The following VKORC1 variants were observed in gnomAD, a reference collection of about 807,000 sequenced individuals.
The protein encoded by VKORC1 is phylloquinone epoxide reductase.
In VKORC1, 12 loss-of-function variants were observed where a neutral mutation model predicts 14.8. The observed-to-expected ratio is 0.81, with a 90% CI of 0.52 to 1.31. VKORC1 has a LOEUF of 1.31. Ranked by LOEUF, VKORC1 falls within the 50% of genes most tolerant of loss-of-function variation. The probability of loss-of-function intolerance (pLI) is 0.00; values close to 1 mark genes in which losing one functional copy is unlikely to be tolerated. For missense variants in VKORC1, 223 were observed against 215.3 expected (o/e 1.04, Z -0.22); for synonymous variants, 94 against 92.5 (o/e 1.02, Z -0.09).
At chr16:31,094,354 C>A (rs1473200357) in intron 1 of VKORC1, 1 of 1,612,956 alleles carries the variant, frequency 6.2e-7, no homozygotes, top group Non-Finnish European at 8.5e-7. Context: ...TAATCCCAGT[C>A]CCCAGCACTG....
In VKORC1 at chr16:31,091,312, A is replaced by G. The variant is rs2057288295; in HGVS notation, c.314T>C (p.Leu105Pro). 3 of 1,613,988 alleles carry G rather than the reference A, an allele frequency of 1.9e-6. No homozygotes were observed. In the Admixed American group the frequency reaches 5.0e-5, roughly 27 times the overall value. Reference protein sequence around the residue: ...GCLRTRWASVLMLLSSLVSLA... With the variant: ...GCLRTRWASVPMLLSSLVSLA... ...AGACACCAGGGAGCTCAGCAGCATC[A>G]GGACAGAGGCCCAGCGTGTCCGCAG... Residue 105 changes from leucine (L) to proline (P), a missense_variant, in exon 3 of 3, where the codon CTG (leucine) becomes CCG (proline). Physicochemically the swap from Leu to Pro is moderately conservative, Grantham distance 98. Coordinates refer to ENST00000394975, the MANE Select transcript of VKORC1 (RefSeq NM_024006.6).
chr16:31,093,234 T>A (rs1324681161), intron 2 of VKORC1, 78 bp downstream of exon 2: 1 of 1,403,234 alleles, frequency 7.1e-7, no homozygotes, highest in Non-Finnish European at 9.6e-7. Context: ...TCACCAAGAT[T>A]GCATGGAGTG....
At chr16:31,091,579 G>T (rs1020897964) in intron 2 of VKORC1, among the ~76,000 whole-genome samples, 1 of 152,164 alleles carries the variant, frequency 6.6e-6, no homozygotes, top group Non-Finnish European at 1.5e-5. Context: ...AGAAAGACCC[G>T]ATCTCTATCA....
At position 31,091,153 on chromosome 16, in the gene VKORC1, C is replaced by A. The variant is rs775243992; in HGVS notation, c.473G>T (p.Gly158Val). Residue 158 changes from glycine (G) to valine (V), a missense_variant, in exon 3 of 3, where the codon GGC (glycine) becomes GTC (valine). Gly to Val is a moderately radical substitution (Grantham distance 109). Transcript: ENST00000394975. The part of the protein sequence containing the change: ...LSFRKVQEPQ[G>V]KAKRH ...GAGGGCTCAGTGCCTCTTAGCCTTG[C>A]CCTGGGGTTCTTGGACCTTCCGGAA... 1.2e-6 allele frequency: 2 copies of A among 1,613,822 alleles called. No homozygotes were observed. Among genetic ancestry groups the A allele is most frequent in the Non-Finnish European group, 1.7e-6 (2 of 1,180,036 alleles).
chr16:31,091,479 G>A, intron 2 of VKORC1, 137 bp from the exon 3 acceptor site: 1 of 1,507,520 alleles, frequency 6.6e-7, no homozygotes, highest in Non-Finnish European at 8.9e-7. Flanking sequence ...GGGCAGATGT[G>A]GTGGCTTACG....
At position 31,091,083 on chromosome 16, in the gene VKORC1, C is replaced by T. The variant is rs748397246; in HGVS notation, c.*51G>A. On this transcript the variant is annotated 3_prime_UTR_variant, in exon 3 of 3. Transcript: ENST00000394975. ...CCCAGATATGCCCCCTTAGGCAAGG[C>T]TCACATGCCAAAGCAAAGCAGATGA... 52 of 1,606,448 alleles carry T rather than the reference C, an allele frequency of 3.2e-5. No individual in the cohort carries two copies. The highest frequency in any genetic ancestry group is 2.8e-4 in the South Asian group (25 of 90,018).
intron 1 of VKORC1, chr16:31,094,021 A>G: frequency 1.1e-6 from 1 of 915,652 alleles, no homozygotes; most frequent in East Asian, 2.7e-5. Context: ...AATTCTTAAA[A>G]TGGCAAGGCT....
At chr16:31,094,046 C>A in intron 1 of VKORC1, 1 of 1,103,830 alleles carries the variant, frequency 9.1e-7, no homozygotes, top group Non-Finnish European at 1.3e-6. Flanking sequence ...TAACGGTTCA[C>A]TCGGTTTTGC....
In VKORC1 at chr16:31,094,717, A is replaced by C; in HGVS notation, c.13T>G (p.Trp5Gly). The C allele has an allele frequency of 1.2e-6, 2 of 1,606,248 alleles. No homozygotes were observed. Among genetic ancestry groups the C allele is most frequent in the Non-Finnish European group, 1.7e-6 (2 of 1,178,156 alleles). ...AGCCGCACCCAGCCAGGGCTCCCCC[A>C]GGTGCTGCCCATTATCTCCAGGTTC... Reference protein sequence around the residue: MGSTWGSPGWVRLAL... With the variant: MGSTGGSPGWVRLAL... Residue 5 changes from tryptophan (W) to glycine (G), a missense_variant, in exon 1 of 3, where the codon TGG becomes GGG. By Grantham distance (184) the Trp-to-Gly change is radical. Coordinates refer to ENST00000394975, the MANE Select transcript of VKORC1 (RefSeq NM_024006.6).
At chr16:31,094,091 G>A in intron 1 of VKORC1, 3 of 1,408,032 alleles carry the variant, frequency 2.1e-6, no homozygotes, top group Non-Finnish European at 2.9e-6. Flanking sequence ...GATTATCTTT[G>A]CCCTGGACCC....
intron 1 of VKORC1, 88 bp downstream of exon 1, chr16:31,094,469 G>C (rs141158294): frequency 1.2e-6 from 2 of 1,612,810 alleles, no homozygotes; most frequent in Non-Finnish European, 8.5e-7. Flanking sequence ...TCCGTTCCCC[G>C]GGCACACCGA....
chr16:31,094,086 T>G, intron 1 of VKORC1: 1 of 1,366,532 alleles, frequency 7.3e-7, no homozygotes, highest in Middle Eastern at 1.9e-4. Flanking sequence ...GGGCAGATTA[T>G]CTTTGCCCTG....
At chr16:31,091,772 A>G (rs939021166) in intron 2 of VKORC1, among the ~76,000 whole-genome samples, 1 of 152,180 alleles carries the variant, frequency 6.6e-6, no homozygotes, top group Non-Finnish European at 1.5e-5. Flanking sequence ...CTGTAATCCC[A>G]GCTGCTGGGG....
Position 31,094,630 on chromosome 16 carries a change from C to A in VKORC1, c.100G>T (p.Ala34Ser), listed in dbSNP as rs887072982. The change falls in exon 1 of 3, where the codon GCC becomes TCC. Residue 34 changes from alanine (A) to serine (S), a missense_variant. By Grantham distance (99) the Ala-to-Ser change is moderately conservative (BLOSUM62 1). Coordinates refer to ENST00000394975, the MANE Select transcript of VKORC1 (RefSeq NM_024006.6). Reference protein sequence around the residue: ...LYALHVKAARARDRDYRALCD... With the variant: ...LYALHVKAARSRDRDYRALCD... ...AGCGCGCGGTAATCCCGGTCCCGGG[C>A]GCGCGCCGCCTTCACGTGCAGCGCG... 11 of 1,606,088 alleles carry A rather than the reference C, an allele frequency of 6.8e-6. No homozygotes were observed. In the East Asian group the frequency reaches 9.0e-5, roughly 13 times the overall value.
At chr16:31,093,645 C>G in intron 1 of VKORC1, 1 of 1,080,510 alleles carries the variant, frequency 9.3e-7, no homozygotes, top group South Asian at 1.6e-5. Context: ...AGACCAGGCC[C>G]GGACGTGGCT....
intron 2 of VKORC1, among the ~76,000 whole-genome samples, chr16:31,092,196 A>AG (rs1235681339): frequency 6.6e-6 from 1 of 150,616 alleles, no homozygotes; most frequent in African/African-American, 2.4e-5. Context: ...AAAAAAAAAA[A>AG]AAAAAAAATT....
chr16:31,094,444 C>A, intron 1 of VKORC1, 113 bp downstream of exon 1: 2 of 1,612,952 alleles, frequency 1.2e-6, no homozygotes, highest in Non-Finnish European at 1.7e-6. Context: ...ACCCCGCGAG[C>A]AGTCCAGCCC....
chr16:31,093,663 A>T, intron 1 of VKORC1: 1 of 459,114 alleles, frequency 2.2e-6, no homozygotes, highest in Non-Finnish European at 3.5e-6. Flanking sequence ...GCTACTCCGT[A>T]GGCCCTGCTT....
intron 1 of VKORC1, chr16:31,093,699 CTTT>C (rs71151446): frequency 1.9e-3 from 130 of 68,018 alleles, no homozygotes; most frequent in African/African-American, 6.0e-3. Flanking sequence ...AAGTAAGTCT[CTTT>C]TTTTTTTTTT....
Sources: gnomAD v4.1 joint callset for allele counts (sites outside exome capture counted in the v4.1 genomes callset) on GRCh38, gnomAD v4.1.1 for gene constraint, MANE v1.5 for transcripts, NCBI Gene and HGNC (gene_info 2026-07-23, HGNC 2026-07-21) for gene names.